MRPL48: variants seen among roughly 807,000 people sequenced by gnomAD.
MRPL48 encodes mitochondrial ribosomal protein L48, also known as large ribosomal subunit protein mL48.
In MRPL48, 16 loss-of-function variants were observed where a neutral mutation model predicts 32.9. That is an observed-to-expected ratio of 0.49 (90% CI 0.33 to 0.74). The LOEUF (loss-of-function observed/expected upper bound fraction) is 0.74. Ranked by LOEUF, MRPL48 falls within the 30% of genes least tolerant of loss-of-function variation. The pLI is 0.02. For missense variants in MRPL48, 206 were observed against 245.3 expected (o/e 0.84, Z 1.07); for synonymous variants, 94 against 89.2 (o/e 1.05, Z -0.31).
intron 5 of MRPL48, among the ~76,000 whole-genome samples, chr11:73,849,412 C>T (rs35645696): frequency 0.057 from 8,610 of 152,290 alleles, 274 homozygotes; most frequent in Middle Eastern, 0.11. Context: ...GCTGGGATTA[C>T]GGGTGTGAGC....
intron 3 of MRPL48, among the ~76,000 whole-genome samples, chr11:73,824,518 G>T (rs1947847885): frequency 6.6e-6 from 1 of 151,834 alleles, no homozygotes; most frequent in Non-Finnish European, 1.5e-5. Flanking sequence ...CTGGGAGGTG[G>T]AAGTTGCAGT....
intron 3 of MRPL48, among the ~76,000 whole-genome samples, chr11:73,821,026 G>A (rs764281137): frequency 3.3e-5 from 5 of 152,002 alleles, no homozygotes; most frequent in South Asian, 2.1e-4. Context: ...AGAGGGTCTC[G>A]CTCTGTTGCC....
chr11:73,791,154 G>C (rs1947145128), intron 1 of MRPL48, among the ~76,000 whole-genome samples: 1 of 151,928 alleles, frequency 6.6e-6, no homozygotes, highest in African/African-American at 2.4e-5. Context: ...CAAAGTGCTG[G>C]GATTACAGGC....
At chr11:73,860,335 C>T (rs1369651964) in intron 6 of MRPL48, 1 of 188,994 alleles carries the variant, frequency 5.3e-6, no homozygotes, top group African/African-American at 2.3e-5. Flanking sequence ...GGAGTCCTCC[C>T]TGCACTCTGT....
chr11:73,811,980 G>A (rs2134978069), intron 3 of MRPL48, among the ~76,000 whole-genome samples: 1 of 152,114 alleles, frequency 6.6e-6, no homozygotes, highest in African/African-American at 2.4e-5. Flanking sequence ...CCACCACCCG[G>A]GTTCACACCA....
chr11:73,828,081 A>C (rs1206816163), intron 4 of MRPL48, among the ~76,000 whole-genome samples: 1 of 152,146 alleles, frequency 6.6e-6, no homozygotes, highest in Admixed American at 6.5e-5. Flanking sequence ...AAGGTAGAGA[A>C]ATTCTGGATT....
intron 4 of MRPL48, among the ~76,000 whole-genome samples, chr11:73,827,843 G>A: frequency 6.6e-6 from 1 of 152,116 alleles, no homozygotes; most frequent in Admixed American, 6.6e-5. Context: ...CTCCCAGCAG[G>A]AAACAAATGC....
chr11:73,835,646 C>A (rs1948086618), intron 4 of MRPL48, among the ~76,000 whole-genome samples: 1 of 152,154 alleles, frequency 6.6e-6, no homozygotes, highest in South Asian at 2.1e-4. Flanking sequence ...CACCTGTAAT[C>A]CCAGCATTTT....
At chr11:73,808,586 T>C (rs1288587345) in intron 3 of MRPL48, among the ~76,000 whole-genome samples, 1 of 152,184 alleles carries the variant, frequency 6.6e-6, no homozygotes, top group East Asian at 1.9e-4. Context: ...ATTTGATCTT[T>C]GGCTATTTCT....
At chr11:73,856,578 A>G (rs1369593710) in intron 5 of MRPL48, among the ~76,000 whole-genome samples, 1 of 152,156 alleles carries the variant, frequency 6.6e-6, no homozygotes, top group African/African-American at 2.4e-5. Context: ...CCTGAAGTTG[A>G]ACCAGCCCCT....
chr11:73,858,610 T>G (rs1591010768), intron 5 of MRPL48, among the ~76,000 whole-genome samples: 1 of 152,122 alleles, frequency 6.6e-6, no homozygotes, highest in East Asian at 1.9e-4. Flanking sequence ...GGTCCACCTA[T>G]AGAGGGCCAT....
intron 1 of MRPL48, among the ~76,000 whole-genome samples, chr11:73,798,594 A>G (rs1465713041): frequency 6.6e-6 from 1 of 152,192 alleles, no homozygotes; most frequent in African/African-American, 2.4e-5. Flanking sequence ...ACATTCAGAT[A>G]GTTAGCAGTG....
At position 73,823,995 on chromosome 11, in the gene MRPL48, A is replaced by T. The variant is rs890205315; in HGVS notation, c.113-1713A>T. ...CTTAGCCTCCTGAGTAACTGGGATT[A>T]TATGCGTGCACCACCATGCCCAGCT... On this transcript the variant is annotated intron_variant, in intron 3 of 7. Transcript: ENST00000310614. 7.2e-5 allele frequency among the ~76,000 whole-genome samples: 11 copies of T among 151,738 alleles called. No homozygotes were observed. In the South Asian group the frequency reaches 8.3e-4, roughly 11 times the overall value.
intron 3 of MRPL48, among the ~76,000 whole-genome samples, chr11:73,814,102 T>G (rs1947616371): frequency 6.6e-6 from 1 of 150,782 alleles, no homozygotes; most frequent in Non-Finnish European, 1.5e-5. Flanking sequence ...CTTTTCAATA[T>G]GTGGTCCAGA....
intron 3 of MRPL48, among the ~76,000 whole-genome samples, chr11:73,809,669 A>C (rs1348483581): frequency 6.6e-6 from 1 of 152,190 alleles, no homozygotes; most frequent in Non-Finnish European, 1.5e-5. Flanking sequence ...TGATTAACTC[A>C]ATGGATATCC....
chr11:73,832,811 CATTT>C (rs1181788818), intron 4 of MRPL48: 4 of 152,176 alleles, frequency 2.6e-5, no homozygotes, highest in Admixed American at 2.6e-4. Context: ...TGTTTTCACT[CATTT>C]ATTTCTTGTA....
At chr11:73,800,776 T>C (rs1436465941) in intron 1 of MRPL48, among the ~76,000 whole-genome samples, 1 of 151,964 alleles carries the variant, frequency 6.6e-6, no homozygotes, top group Non-Finnish European at 1.5e-5. Context: ...AATTTGAATG[T>C]CTTCCAGAAA....
chr11:73,852,262 G>A (rs1424448834), intron 5 of MRPL48, among the ~76,000 whole-genome samples: 1 of 151,956 alleles, frequency 6.6e-6, no homozygotes, highest in Non-Finnish European at 1.5e-5. Context: ...CTTGTCTATG[G>A]ACTACACTTG....
intron 1 of MRPL48, among the ~76,000 whole-genome samples, chr11:73,795,741 C>T (rs527244421): frequency 2.0e-5 from 3 of 149,134 alleles, no homozygotes; most frequent in Admixed American, 6.7e-5. Context: ...CTCCTGACCT[C>T]GTGATCCACC....
Sources: gnomAD v4.1 joint callset for allele counts (sites outside exome capture counted in the v4.1 genomes callset) on GRCh38, gnomAD v4.1.1 for gene constraint, MANE v1.5 for transcripts, NCBI Gene and HGNC (gene_info 2026-07-23, HGNC 2026-07-21) for gene names.